Variants in TGIF1 observed in about 807,000 individuals in gnomAD.
The protein encoded by TGIF1 is TGFB induced factor homeobox 1.
TGIF1 carries 4 observed loss-of-function variants against 19.3 expected under a neutral mutation model. The ratio of observed to expected loss-of-function variants is 0.21; its 90% CI spans 0.10 to 0.47. TGIF1 has a LOEUF of 0.47. Among genes scored for constraint, TGIF1 ranks in the 20% least tolerant of loss-of-function variants. TGIF1 has a pLI of 0.98. For synonymous variants in TGIF1, 122 were observed against 129.3 expected, an observed-to-expected ratio of 0.94 and a Z score of 0.38; for missense variants, 275 against 341.4, an observed-to-expected ratio of 0.81 and a Z score of 1.53.
At chr18:3,442,265 C>G (rs1479221107) in intron 2 of TGIF1, among the ~76,000 whole-genome samples, 1 of 127,178 alleles carries the variant, frequency 7.9e-6, no homozygotes, top group Non-Finnish European at 1.7e-5. Flanking sequence ...TAAATGGCTA[C>G]TCTAGAGCTT....
At chr18:3,444,564 A>G (rs117257013) in intron 2 of TGIF1, among the ~76,000 whole-genome samples, 1 of 152,274 alleles carries the variant, frequency 6.6e-6, no homozygotes, top group Non-Finnish European at 1.5e-5. Context: ...TTCATTTGAT[A>G]AATATTGGGT....
intron 2 of TGIF1, among the ~76,000 whole-genome samples, chr18:3,439,337 C>G (rs117307085): frequency 2.0e-5 from 3 of 151,902 alleles, no homozygotes; most frequent in Non-Finnish European, 2.9e-5. Context: ...TCTGAAGTCA[C>G]CTCACTATTT....
In TGIF1 at chr18:3,451,286, T is replaced by C; in HGVS notation, c.16+781T>C. 1.1e-6 allele frequency: 1 copy of C among 872,426 alleles called. No individual in the cohort carries two copies. The highest frequency in any genetic ancestry group is 1.4e-6 in the Non-Finnish European group (1 of 727,478). The allele number at this position is 872,426 out of a possible 1,614,324, so 54.0% of individuals were successfully genotyped here. ...GGCTGTCATTGTTTCCACGAAGTGT[T>C]CTGGAAGCTTTACAACTAAAACTTG... On this transcript the variant is annotated intron_variant, in intron 1 of 2. Transcript: ENST00000343820. This position sits in a 1 kb window ranked among gnomAD's most constrained non-coding sequence, Gnocchi z 5.4.
intron 1 of TGIF1, chr18:3,455,916 G>A (rs1024200169): frequency 3.3e-5 from 7 of 209,646 alleles, no homozygotes; most frequent in Non-Finnish European, 6.9e-5. Context: ...CATTTAAAAT[G>A]TACATTAGGA....
In TGIF1 at chr18:3,457,591, C is replaced by T. The variant is rs1266135565; in HGVS notation, c.470C>T (p.Ser157Phe). The change falls in exon 3 of 3, where the codon TCT (serine) becomes TTT (phenylalanine). Residue 157 changes from serine (S) to phenylalanine (F), a missense_variant. Coordinates refer to ENST00000343820, the MANE Select transcript of TGIF1 (RefSeq NM_003244.4). The surrounding 1 kb of genome is among the most constrained non-coding windows in gnomAD (Gnocchi z 4.9). ...AACCCAACCCTAGGGAGGCCACTGT[C>T]TCCTAAGCCGTCATCCCCGGGATCA... The part of the protein sequence containing the change: ...GPNPTLGRPL[S>F]PKPSSPGSVL... 1 of 1,614,246 alleles carries T rather than the reference C, an allele frequency of 6.2e-7. No individual in the cohort carries two copies. The highest frequency in any genetic ancestry group is 8.5e-7 in the Non-Finnish European group (1 of 1,180,044).
chr18:3,455,349 C>G (rs2083132064), intron 1 of TGIF1: 1 of 152,044 alleles, frequency 6.6e-6, no homozygotes, highest in Non-Finnish European at 1.5e-5. Context: ...CTTTATTGAA[C>G]CCCGTCCATC....
At chr18:3,443,165 T>C (rs995983519) in intron 2 of TGIF1, among the ~76,000 whole-genome samples, 21 of 152,226 alleles carry the variant, frequency 1.4e-4, no homozygotes, top group African/African-American at 5.1e-4. Flanking sequence ...GAAGGGGCTC[T>C]TCTAATTGGC....
rs917508077 is a variant in TGIF1, at chr18:3,459,225, T to C, written c.*1285T>C. 1 of 150,522 alleles carries C rather than the reference T, an allele frequency of 6.6e-6. No homozygotes were observed. The highest frequency in any genetic ancestry group is 1.5e-5 in the Non-Finnish European group (1 of 67,974). 9.3% of individuals were successfully genotyped at this position (150,522 alleles called of 1,614,324 possible). A position where few individuals can be genotyped will look rare whatever the true frequency, so the allele number is the denominator to read the frequency against. ...AGCCCTGCCCCAGCTATGAATTGTCTAAGTGTGAGGGAGCATCAGAGCTTC... is the reference window on the plus strand; with the variant it reads ...AGCCCTGCCCCAGCTATGAATTGTCCAAGTGTGAGGGAGCATCAGAGCTTC... On this transcript the variant is annotated 3_prime_UTR_variant, in exon 3 of 3. Transcript: ENST00000343820.
upstream of TGIF1, chr18:3,447,706 G>A (rs761449909): frequency 8.7e-6 from 14 of 1,613,738 alleles, no homozygotes; most frequent in Non-Finnish European, 1.2e-5. Flanking sequence ...GTTTCTCTTT[G>A]GAGTGCCTCG....
intron 1 of TGIF1, chr18:3,415,327 A>G: frequency 3.0e-6 from 1 of 337,346 alleles, no homozygotes; most frequent in Non-Finnish European, 6.2e-6. Context: ...GGATGAGCAG[A>G]ACTGGAATCT....
upstream of TGIF1, chr18:3,447,995 A>G: frequency 1.1e-6 from 1 of 948,608 alleles, no homozygotes; most frequent in Non-Finnish European, 1.3e-6. Context: ...CTTTGTGTAC[A>G]TAATGAGAGC....
chr18:3,418,429 A>G (rs2082359783), intron 2 of TGIF1: 1 of 152,226 alleles, frequency 6.6e-6, no homozygotes, highest in Non-Finnish European at 1.5e-5. Context: ...GCAAATGCTC[A>G]AGTTCATTAT....
At chr18:3,412,535 T>C (rs1012287392) in intron 1 of TGIF1, among the ~76,000 whole-genome samples, 2 of 152,146 alleles carry the variant, frequency 1.3e-5, no homozygotes, top group African/African-American at 4.8e-5. Context: ...CGAGCACGCA[T>C]AGGGAAAATG....
chr18:3,437,319 G>C (rs1021410831), intron 2 of TGIF1, among the ~76,000 whole-genome samples: 1 of 152,054 alleles, frequency 6.6e-6, no homozygotes, highest in East Asian at 1.9e-4. Context: ...GAGTGTAAAC[G>C]TTCCATTCCT....
In TGIF1 at chr18:3,450,311, T is replaced by C; in HGVS notation, c.-179T>C. The C allele has an allele frequency of 6.9e-7, 1 of 1,449,316 alleles. No homozygotes were observed. 89.8% of individuals were successfully genotyped at this position (1,449,316 alleles called of 1,614,324 possible). On this transcript the variant is annotated 5_prime_UTR_variant, in exon 1 of 3. Transcript: ENST00000343820. ...GGAGGAAGCCCAAGTGTCACTTGAATTCCACCCAAGGAGCGGGCGCCTGGG... is the reference window on the plus strand; with the variant it reads ...GGAGGAAGCCCAAGTGTCACTTGAACTCCACCCAAGGAGCGGGCGCCTGGG...
At position 3,459,020 on chromosome 18, in the gene TGIF1, C is replaced by G. The variant is rs1440934170; in HGVS notation, c.*1080C>G. On this transcript the variant is annotated 3_prime_UTR_variant, in exon 3 of 3. Coordinates refer to ENST00000343820, the MANE Select transcript of TGIF1 (RefSeq NM_003244.4). ...GGTCTCAGTTTGTGAAAAAATGGTG[C>G]TATGTACAAGTGGAGTTTGTTGGGA... The G allele has an allele frequency of 6.6e-6, 1 of 152,118 alleles. No homozygotes were observed. The highest frequency in any genetic ancestry group is 2.4e-5 in the African/African-American group (1 of 41,392). The allele number at this position is 152,118 out of a possible 1,614,324, so 9.4% of individuals were successfully genotyped here. A position where few individuals can be genotyped will look rare whatever the true frequency, so the allele number is the denominator to read the frequency against.
Position 3,456,242 on chromosome 18 carries a change from G to A in TGIF1, c.17-112G>A, listed in dbSNP as rs930102018. 23 of 1,041,438 alleles carry A rather than the reference G, an allele frequency of 2.2e-5. No individual in the cohort carries two copies. In the East Asian group the frequency reaches 4.0e-4, roughly 18 times the overall value. 64.5% of individuals were successfully genotyped at this position (1,041,438 alleles called of 1,614,324 possible). On this transcript the variant is annotated intron_variant, in intron 1 of 2. Transcript: ENST00000343820. This position sits in a 1 kb window ranked among gnomAD's most constrained non-coding sequence, Gnocchi z 4.2. ...ACAGAAAACACTGCTCCTTCTCCTC[G>A]CTCTCAGTTGTTGGGAAAGCATGGT...
Position 3,456,084 on chromosome 18 carries a change from C to T in TGIF1, c.17-270C>T, listed in dbSNP as rs1266447157. On this transcript the variant is annotated intron_variant, in intron 1 of 2. Transcript: ENST00000343820. The surrounding 1 kb of genome is among the most constrained non-coding windows in gnomAD (Gnocchi z 4.2). ...ATGATTAGACGAAAGAGTTTTCTGA[C>T]CATCATTCAAAAGGAATGTGAGAAG... 2.0e-6 allele frequency: 1 copy of T among 503,944 alleles called. No individual in the cohort carries two copies. The highest frequency in any genetic ancestry group is 3.2e-5 in the Admixed American group (1 of 30,950). 31.2% of individuals were successfully genotyped at this position (503,944 alleles called of 1,614,324 possible). A position where few individuals can be genotyped will look rare whatever the true frequency, so the allele number is the denominator to read the frequency against.
upstream of TGIF1, chr18:3,449,589 GC>G (rs967724597): frequency 2.0e-6 from 2 of 975,802 alleles, no homozygotes; most frequent in Non-Finnish European, 2.4e-6. Context: ...TGGAGGAAGA[GC>G]CCCGGGAGGA....
Sources: allele counts gnomAD v4.1 joint callset (sites outside exome capture counted in the v4.1 genomes callset), GRCh38; gene constraint gnomAD v4.1.1; non-coding constraint Gnocchi (gnomAD v3.1); transcripts MANE v1.5; gene names NCBI Gene and HGNC (gene_info 2026-07-23, HGNC 2026-07-21).